SYNPR: variants seen among roughly 807,000 people sequenced by gnomAD.
SYNPR encodes the protein synaptoporin.
A neutral mutation model predicts 32.9 loss-of-function variants in SYNPR; 23 were observed. The ratio of observed to expected loss-of-function variants is 0.70; its 90% confidence interval spans 0.50 to 0.99. SYNPR has a LOEUF of 0.99. Among genes scored for constraint, SYNPR ranks in the 50% least tolerant of loss-of-function variants. The pLI is 0.00. For synonymous variants in SYNPR, 146 were observed against 135.9 expected, an observed-to-expected ratio of 1.07 and a Z score of -0.52; for missense variants, 318 against 349.3, an observed-to-expected ratio of 0.91 and a Z score of 0.71.
intron 2 of SYNPR, among the ~76,000 whole-genome samples, chr3:63,353,858 G>C (rs554756249): frequency 6.6e-6 from 1 of 152,304 alleles, no homozygotes; most frequent in African/African-American, 2.4e-5. Flanking sequence ...AGTGCTGTCA[G>C]ATACTTGTTT....
chr3:63,372,751 C>T (rs909738389), intron 2 of SYNPR, among the ~76,000 whole-genome samples: 6 of 152,186 alleles, frequency 3.9e-5, no homozygotes, highest in Non-Finnish European at 8.8e-5. Context: ...AAACATAAAG[C>T]CTGAGCTCGC....
At chr3:63,493,739 C>T (rs1270374389) in intron 3 of SYNPR, among the ~76,000 whole-genome samples, 1 of 144,778 alleles carries the variant, frequency 6.9e-6, no homozygotes, top group Non-Finnish European at 1.5e-5. Flanking sequence ...TCACTTGAAC[C>T]CAGAAGGCGG....
chr3:63,462,204 C>T (rs757385898), intron 2 of SYNPR, among the ~76,000 whole-genome samples: 1 of 152,036 alleles, frequency 6.6e-6, no homozygotes, highest in Admixed American at 6.6e-5. Context: ...GCCAGACAGA[C>T]CCTTCCTCAA....
chr3:63,229,437 A>C (rs564391781), intron 1 of SYNPR, among the ~76,000 whole-genome samples: 2 of 152,294 alleles, frequency 1.3e-5, no homozygotes, highest in South Asian at 4.1e-4. Context: ...AACAGATCAA[A>C]TGAGAATATT....
intron 3 of SYNPR, among the ~76,000 whole-genome samples, chr3:63,493,655 A>C (rs924583963): frequency 2.0e-5 from 3 of 151,868 alleles, no homozygotes; most frequent in Admixed American, 6.6e-5. Flanking sequence ...ATCTCTACTG[A>C]AAATACAAAA....
chr3:63,468,194 C>CAAAAAAAAAAAAAAAAAAAAA (rs552378431), intron 2 of SYNPR, among the ~76,000 whole-genome samples: 1 of 80,834 alleles, frequency 1.2e-5, no homozygotes. Context: ...AACTCCATCT[C>CAAAAAAAAAAAAAAAAAAAAA]AAAAAAAAAA....
At chr3:63,354,273 C>A (rs770377063) in intron 2 of SYNPR, among the ~76,000 whole-genome samples, 1 of 152,190 alleles carries the variant, frequency 6.6e-6, no homozygotes, top group Non-Finnish European at 1.5e-5. Flanking sequence ...GCTGGGCTGG[C>A]TCTGTAAAGC....
chr3:63,386,358 C>A (rs1317504239), intron 2 of SYNPR, among the ~76,000 whole-genome samples: 3 of 152,148 alleles, frequency 2.0e-5, no homozygotes. Context: ...TGTAGGAGTT[C>A]CCCTGTTCTA....
At chr3:63,579,823 A>G (rs905540612) in intron 4 of SYNPR, among the ~76,000 whole-genome samples, 4 of 147,532 alleles carry the variant, frequency 2.7e-5, no homozygotes, top group Non-Finnish European at 6.0e-5. Context: ...ACACACACAC[A>G]CGCACACACA....
intron 4 of SYNPR, among the ~76,000 whole-genome samples, chr3:63,571,833 C>T (rs1019827909): frequency 2.0e-5 from 3 of 152,080 alleles, no homozygotes; most frequent in African/African-American, 7.2e-5. Flanking sequence ...AAGGTGACCC[C>T]GCCTAGATCT....
intron 3 of SYNPR, among the ~76,000 whole-genome samples, chr3:63,272,225 T>C (rs1364067960): frequency 2.0e-5 from 3 of 152,176 alleles, no homozygotes; most frequent in Non-Finnish European, 4.4e-5. Context: ...TAATTCCTTT[T>C]TGCTAAGTGA....
intron 3 of SYNPR, among the ~76,000 whole-genome samples, chr3:63,540,770 T>C (rs1702283045): frequency 6.6e-6 from 1 of 151,920 alleles, no homozygotes; most frequent in Admixed American, 6.6e-5. Flanking sequence ...AGACATGATT[T>C]GCTAGAGGAG....
chr3:63,390,778 C>T (rs933486071), intron 2 of SYNPR, among the ~76,000 whole-genome samples: 1 of 152,292 alleles, frequency 6.6e-6, no homozygotes, highest in South Asian at 2.1e-4. Flanking sequence ...GAATGCTCAT[C>T]TCTAACTTCT....
chr3:63,286,618 A>G (rs2086685588), intron 2 of SYNPR, among the ~76,000 whole-genome samples: 1 of 152,232 alleles, frequency 6.6e-6, no homozygotes, highest in African/African-American at 2.4e-5. Flanking sequence ...GTGCTAGTAG[A>G]AGAAAAGTAG....
chr3:63,542,180 G>A (rs1219106156), intron 3 of SYNPR, among the ~76,000 whole-genome samples: 2 of 151,972 alleles, frequency 1.3e-5, no homozygotes, highest in African/African-American at 4.8e-5. Context: ...TTATCCCCAT[G>A]TTTTCTTCTG....
At chr3:63,551,085 C>T (rs545116744) in intron 3 of SYNPR, among the ~76,000 whole-genome samples, 1 of 152,350 alleles carries the variant, frequency 6.6e-6, no homozygotes, top group Non-Finnish European at 1.5e-5. Flanking sequence ...CTCCCATCCT[C>T]CACCCAGTCC....
intron 2 of SYNPR, among the ~76,000 whole-genome samples, chr3:63,436,058 A>G (rs1225123295): frequency 6.6e-6 from 1 of 152,190 alleles, no homozygotes; most frequent in Non-Finnish European, 1.5e-5. Context: ...CACATACGCC[A>G]TAAACAATTG....
At chr3:63,471,574 T>C (rs1036130978) in intron 2 of SYNPR, among the ~76,000 whole-genome samples, 16 of 152,196 alleles carry the variant, frequency 1.1e-4, no homozygotes, top group Non-Finnish European at 2.2e-4. Context: ...TTTAGAGGCA[T>C]TCATCTGTCT....
intron 2 of SYNPR, among the ~76,000 whole-genome samples, chr3:63,253,337 G>A (rs971184140): frequency 4.6e-5 from 7 of 152,020 alleles, no homozygotes; most frequent in Non-Finnish European, 8.8e-5. Context: ...AAGCTCTGAA[G>A]GAAACAATGT....
Sources: gnomAD v4.1 joint callset for allele counts (sites outside exome capture counted in the v4.1 genomes callset) on GRCh38, gnomAD v4.1.1 for gene constraint, MANE v1.5 for transcripts, NCBI Gene and HGNC (gene_info 2026-07-23, HGNC 2026-07-21) for gene names.